CNTLN: variants seen among roughly 807,000 people sequenced by gnomAD.
The protein encoded by CNTLN is centlein, centrosomal protein.
CNTLN carries 212 observed loss-of-function variants against 180.0 expected under a neutral mutation model. The observed-to-expected ratio is 1.18, with a 90% CI of 1.05 to 1.32. The LOEUF is 1.32. CNTLN is among the 40% of genes most tolerant of loss of function. CNTLN has a pLI of 0.00. For missense variants in CNTLN, 2,095 were observed against 1,610.9 expected, an observed-to-expected ratio of 1.30 and a Z score of -5.14; for synonymous variants, 722 against 563.1, an observed-to-expected ratio of 1.28 and a Z score of -3.99.
rs1820828368 is a variant in CNTLN, at chr9:17,177,867, T to TGCTG, written c.449+34495_449+34498dup. On this transcript the variant is annotated intron_variant, in intron 2 of 25. Coordinates refer to ENST00000380647, the MANE Select transcript of CNTLN (RefSeq NM_017738.4). ...GAAGGGGACCTGAATGGGTTGCCACTGCTGGCTCAGGCAGCGGTGCTTTTA... is the reference window on the plus strand; with the variant it reads ...GAAGGGGACCTGAATGGGTTGCCACTGCTGGCTGGCTCAGGCAGCGGTGCTTTTA... 4.6e-5 allele frequency among the ~76,000 whole-genome samples: 7 copies of TGCTG among 152,310 alleles called. No homozygotes were observed. In the South Asian group the frequency reaches 1.4e-3, roughly 32 times the overall value.
chr9:17,458,156 T>C (rs1383555730), intron 19 of CNTLN, among the ~76,000 whole-genome samples: 1 of 151,274 alleles, frequency 6.6e-6, no homozygotes, highest in Admixed American at 6.6e-5. Flanking sequence ...CCTCCTTCTC[T>C]GTCTCCAACC....
chr9:17,324,835 T>G (rs1563995082), intron 8 of CNTLN, among the ~76,000 whole-genome samples: 1 of 152,114 alleles, frequency 6.6e-6, no homozygotes, highest in African/African-American at 2.4e-5. Context: ...TTTGACTGAC[T>G]TGTTTATTAC....
At chr9:17,296,354 G>C (rs1253928434) in intron 6 of CNTLN, among the ~76,000 whole-genome samples, 2 of 152,048 alleles carry the variant, frequency 1.3e-5, no homozygotes, top group Non-Finnish European at 2.9e-5. Context: ...CATATATTTT[G>C]TTGTACGTTG....
chr9:17,397,557 T>G (rs929712480), intron 15 of CNTLN, among the ~76,000 whole-genome samples: 1 of 152,212 alleles, frequency 6.6e-6, no homozygotes, highest in African/African-American at 2.4e-5. Flanking sequence ...TTTCACCGGC[T>G]TCTTTACTGC....
the CNTLN span, among the ~76,000 whole-genome samples, chr9:17,525,281 T>C: frequency 6.6e-6 from 1 of 152,186 alleles, no homozygotes; most frequent in African/African-American, 2.4e-5. Context: ...ACTGCAGGAA[T>C]ATTAAGTACA....
At chr9:17,294,595 G>A (rs1476800133) in intron 6 of CNTLN, among the ~76,000 whole-genome samples, 1 of 150,062 alleles carries the variant, frequency 6.7e-6, no homozygotes, top group Non-Finnish European at 1.5e-5. Flanking sequence ...GTCCCCACTA[G>A]ACTCAGGAGC....
At chr9:17,472,024 C>G (rs533112476) in intron 23 of CNTLN, among the ~76,000 whole-genome samples, 21 of 152,180 alleles carry the variant, frequency 1.4e-4, no homozygotes, top group African/African-American at 5.1e-4. Context: ...CTGAAAGATA[C>G]ACTTTGGATG....
At chr9:17,226,890 T>A (rs1439452183) in intron 3 of CNTLN, among the ~76,000 whole-genome samples, 1 of 151,784 alleles carries the variant, frequency 6.6e-6, no homozygotes, top group Non-Finnish European at 1.5e-5. Context: ...CAGGGCATGG[T>A]GAGGGAGGTG....
chr9:17,392,142 C>G (rs1266909065), intron 14 of CNTLN, among the ~76,000 whole-genome samples: 4 of 152,096 alleles, frequency 2.6e-5, no homozygotes, highest in Non-Finnish European at 5.9e-5. Flanking sequence ...TGGTGCATGC[C>G]TCTGGTCCTA....
chr9:17,329,239 A>C (rs1388153266), intron 8 of CNTLN, among the ~76,000 whole-genome samples: 1 of 152,092 alleles, frequency 6.6e-6, no homozygotes, highest in Non-Finnish European at 1.5e-5. Context: ...AAGGAAACCT[A>C]GACAAGAGCA....
intron 13 of CNTLN, among the ~76,000 whole-genome samples, chr9:17,378,434 C>T (rs1390987080): frequency 6.6e-6 from 1 of 152,172 alleles, no homozygotes; most frequent in Non-Finnish European, 1.5e-5. Context: ...ATGCCTTGAC[C>T]TCCCAAAGTG....
At chr9:17,312,384 A>AAAATATATATATATATATT (rs1819248498) in intron 8 of CNTLN, among the ~76,000 whole-genome samples, 1 of 108,100 alleles carries the variant, frequency 9.3e-6, no homozygotes, top group African/African-American at 3.6e-5. Flanking sequence ...ATATATATAT[A>AAAATATATATATATATATT]ATTTATTTAT....
At chr9:17,137,147 A>T (rs1261438607) in intron 1 of CNTLN, among the ~76,000 whole-genome samples, 2 of 152,192 alleles carry the variant, frequency 1.3e-5, no homozygotes, top group Non-Finnish European at 2.9e-5. Context: ...ACATATATAG[A>T]CTAGGAAAAT....
At chr9:17,429,434 C>A (rs564898650) in intron 18 of CNTLN, among the ~76,000 whole-genome samples, 1 of 152,102 alleles carries the variant, frequency 6.6e-6, no homozygotes, top group African/African-American at 2.4e-5. Flanking sequence ...AATTAATCAT[C>A]TTCAGAACAA....
chr9:17,500,386 T>C (rs1833680585), intron 25 of CNTLN, among the ~76,000 whole-genome samples: 1 of 152,156 alleles, frequency 6.6e-6, no homozygotes, highest in South Asian at 2.1e-4. Context: ...TAAGAGTAGA[T>C]TTAGATTTAA....
intron 12 of CNTLN, among the ~76,000 whole-genome samples, chr9:17,357,392 T>G (rs556865994): frequency 6.6e-6 from 1 of 151,864 alleles, no homozygotes; most frequent in South Asian, 2.1e-4. Flanking sequence ...GGCAAGTATA[T>G]TTTGGAATTT....
chr9:17,177,969 C>G (rs1820835751), intron 2 of CNTLN, among the ~76,000 whole-genome samples: 1 of 151,922 alleles, frequency 6.6e-6, no homozygotes, highest in Admixed American at 6.6e-5. Flanking sequence ...TTTACAATCC[C>G]TGAGCTAGAC....
At chr9:17,348,511 GCTTT>G (rs763590963) in intron 12 of CNTLN, among the ~76,000 whole-genome samples, 563 of 150,954 alleles carry the variant, frequency 3.7e-3, no homozygotes, top group African/African-American at 9.7e-3. Context: ...TTCTCACTCT[GCTTT>G]CTTTCTTTCT....
intron 18 of CNTLN, among the ~76,000 whole-genome samples, chr9:17,419,607 A>T (rs1828545917): frequency 6.6e-6 from 1 of 152,190 alleles, no homozygotes; most frequent in South Asian, 2.1e-4. Context: ...AAACATGAGA[A>T]ATTAACTTTG....
Sources: gnomAD v4.1 joint callset for allele counts (sites outside exome capture counted in the v4.1 genomes callset) on GRCh38, gnomAD v4.1.1 for gene constraint, MANE v1.5 for transcripts, NCBI Gene and HGNC (gene_info 2026-07-23, HGNC 2026-07-21) for gene names.